Variants in KDM7A observed in about 807,000 individuals in gnomAD.
KDM7A encodes the protein lysine demethylase 7A.
A neutral mutation model predicts 114.8 loss-of-function variants in KDM7A; 28 were observed. The observed-to-expected ratio is 0.24, with a 90% confidence interval of 0.18 to 0.33. The LOEUF (loss-of-function observed/expected upper bound fraction) is 0.33. KDM7A is among the 10% of genes least tolerant of loss of function. The pLI, the probability that KDM7A is intolerant of heterozygous loss-of-function variation, is 1.00. For missense variants in KDM7A, 942 were observed against 1,142.5 expected (o/e 0.82, Z 2.53); for synonymous variants, 423 against 397.8 (o/e 1.06, Z -0.75).
At chr7:140,144,214 G>A (rs1403334496) in intron 1 of KDM7A, among the ~76,000 whole-genome samples, 3 of 152,170 alleles carry the variant, frequency 2.0e-5, no homozygotes, top group Non-Finnish European at 4.4e-5. Flanking sequence ...TACATTTGTG[G>A]CCAATCGATT....
chr7:140,138,387 CTTCTGAAGCACCTGTAAAAGA>C (rs1414187702), intron 2 of KDM7A, among the ~76,000 whole-genome samples: 1 of 152,062 alleles, frequency 6.6e-6, no homozygotes, highest in East Asian at 1.9e-4. Context: ...TCAATGTATT[CTTCTGAAGCACCTGTAAAAGA>C]TTCTGAAGCA....
At chr7:140,134,984 C>T (rs1818843395) in intron 2 of KDM7A, among the ~76,000 whole-genome samples, 1 of 151,222 alleles carries the variant, frequency 6.6e-6, no homozygotes, top group African/African-American at 2.4e-5. Flanking sequence ...AAACAAGATT[C>T]CCAAGTAACT....
chr7:140,155,369 A>G (rs1274250775), intron 1 of KDM7A, among the ~76,000 whole-genome samples: 1 of 152,224 alleles, frequency 6.6e-6, no homozygotes, highest in Non-Finnish European at 1.5e-5. Flanking sequence ...CATAGCTTCT[A>G]TCCTAGGGTA....
intron 1 of KDM7A, among the ~76,000 whole-genome samples, chr7:140,147,766 A>G (rs1794354579): frequency 6.6e-6 from 1 of 152,170 alleles, no homozygotes; most frequent in South Asian, 2.1e-4. Flanking sequence ...CAGCTATAGG[A>G]GAGGCAAGGT....
chr7:140,112,297 A>T (rs144917577), intron 10 of KDM7A, among the ~76,000 whole-genome samples: 164 of 152,286 alleles, frequency 1.1e-3, no homozygotes, highest in African/African-American at 3.8e-3. Context: ...TTTTTATTTC[A>T]AGGGGACATT....
Position 140,097,659 on chromosome 7 carries a change from G to A in KDM7A, c.1919-17C>T. On this transcript the variant is annotated splice_polypyrimidine_tract_variant and intron_variant, in intron 14 of 19. Coordinates refer to ENST00000397560, the MANE Select transcript of KDM7A (RefSeq NM_030647.2). ...TAAAAAACCCTGAAAAAGAATGAAAGGATGAGAAAAAGAGAAAGTCATTTG... is the reference window on the plus strand; with the variant it reads ...TAAAAAACCCTGAAAAAGAATGAAAAGATGAGAAAAAGAGAAAGTCATTTG... 7.1e-7 allele frequency: 1 copy of A among 1,411,944 alleles called. No individual in the cohort carries two copies. The highest frequency in any genetic ancestry group is 1.0e-6 in the Non-Finnish European group (1 of 999,376). The allele number at this position is 1,411,944 out of a possible 1,614,324, so 87.5% of individuals were successfully genotyped here.
At chr7:140,135,287 T>G (rs551574776) in intron 2 of KDM7A, among the ~76,000 whole-genome samples, 59 of 148,842 alleles carry the variant, frequency 4.0e-4, no homozygotes, top group Non-Finnish European at 7.1e-4. Flanking sequence ...CATTGCAACC[T>G]CCGCCTCCCA....
intron 7 of KDM7A, among the ~76,000 whole-genome samples, chr7:140,122,032 C>T (rs1818624675): frequency 6.6e-6 from 1 of 152,208 alleles, no homozygotes; most frequent in Non-Finnish European, 1.5e-5. Context: ...CAGGCCCACT[C>T]CAGATCCACA....
chr7:140,164,868 A>G (rs533507761), intron 1 of KDM7A, among the ~76,000 whole-genome samples: 1 of 152,324 alleles, frequency 6.6e-6, no homozygotes, highest in East Asian at 1.9e-4. Context: ...CTGGAAGCAC[A>G]GGATACTATT....
chr7:140,171,611 AT>A (rs1313048606), intron 1 of KDM7A, among the ~76,000 whole-genome samples: 5 of 137,254 alleles, frequency 3.6e-5, no homozygotes, highest in African/African-American at 1.4e-4. Context: ...ATATATTTAT[AT>A]TTTTACATAT....
intron 17 of KDM7A, 54 bp downstream of exon 17, chr7:140,096,501 T>C (rs1818111725): frequency 1.5e-6 from 2 of 1,331,320 alleles, no homozygotes; most frequent in Admixed American, 1.7e-5. Context: ...TATTGAGCCA[T>C]TAAGTTGGGC....
At position 140,096,679 on chromosome 7, in the gene KDM7A, T is replaced by C. The variant is rs932749463; in HGVS notation, c.2250A>G (p.Leu750=). Residue 750 remains leucine, a synonymous_variant, in exon 17 of 20, where the codon TTA becomes TTG. Coordinates refer to ENST00000397560, the MANE Select transcript of KDM7A (RefSeq NM_030647.2). The part of the protein sequence containing the change: ...SMAGLHYSTC[L]QRQIQSTDCS... ...AGTCTGTGCTTTGTATTTGCCTTTG[T>C]AAACACGTGGAATAGTGCAACCCTG... 1 of 1,614,070 alleles carries C rather than the reference T, an allele frequency of 6.2e-7. No individual in the cohort carries two copies. The highest frequency in any genetic ancestry group is 1.3e-5 in the African/African-American group (1 of 74,934).
intron 1 of KDM7A, among the ~76,000 whole-genome samples, chr7:140,156,038 G>GC (rs1794454304): frequency 6.6e-6 from 1 of 152,188 alleles, no homozygotes; most frequent in African/African-American, 2.4e-5. Flanking sequence ...ACACTTCGTT[G>GC]CAACAGTTTT....
At chr7:140,103,829 A>G (rs1291947191) in intron 11 of KDM7A, among the ~76,000 whole-genome samples, 1 of 152,190 alleles carries the variant, frequency 6.6e-6, no homozygotes, top group Non-Finnish European at 1.5e-5. Flanking sequence ...TATACCCAGT[A>G]ATGGGATGGC....
In KDM7A at chr7:140,127,448, T is replaced by C. The variant is rs778034772; in HGVS notation, c.695A>G (p.Asp232Gly). The change falls in exon 5 of 20, where the codon GAT (aspartate) becomes GGT (glycine). Residue 232 changes from aspartate (D) to glycine (G), a missense_variant. Physicochemically the swap from Asp to Gly is moderately conservative, Grantham distance 94. This residue lies in a region of KDM7A where 318 missense variants were observed against 453.1 expected (regional missense o/e 0.70). Coordinates refer to ENST00000397560, the MANE Select transcript of KDM7A (RefSeq NM_030647.2). Reference sequence around the variant, plus strand: ...AATACCCAGAACTACTCACTTTGTATCTGAAAATTCAAGGCTGATCACATT... The same window carrying C: ...AATACCCAGAACTACTCACTTTGTACCTGAAAATTCAAGGCTGATCACATT... ...VLNVISLEFS[D>G]TKMSELVEVP... 6.2e-7 allele frequency: 1 copy of C among 1,612,746 alleles called. No individual in the cohort carries two copies. The highest frequency in any genetic ancestry group is 2.2e-5 in the East Asian group (1 of 44,862).
At position 140,084,964 on chromosome 7, in the gene KDM7A, A is replaced by G. The variant is rs1167513135; in HGVS notation, c.*6130T>C. On this transcript the variant is annotated 3_prime_UTR_variant, in exon 20 of 20. Transcript: ENST00000397560. ...CACTTGTCCTCCCCTATAATAATCAATGTAAGCTACTTAAAGACTTACAAA... is the reference window on the plus strand; with the variant it reads ...CACTTGTCCTCCCCTATAATAATCAGTGTAAGCTACTTAAAGACTTACAAA... 6.6e-6 allele frequency: 1 copy of G among 152,232 alleles called. No individual in the cohort carries two copies. The highest frequency in any genetic ancestry group is 1.5e-5 in the Non-Finnish European group (1 of 68,048). 9.4% of individuals were successfully genotyped at this position (152,232 alleles called of 1,614,324 possible).
intron 9 of KDM7A, among the ~76,000 whole-genome samples, chr7:140,114,393 C>T (rs941907900): frequency 1.3e-5 from 2 of 152,178 alleles, no homozygotes; most frequent in African/African-American, 4.8e-5. Flanking sequence ...TGGTCTCCAG[C>T]TCCTAACCGC....
chr7:140,136,919 G>A (rs780822318), intron 2 of KDM7A, among the ~76,000 whole-genome samples: 5 of 152,152 alleles, frequency 3.3e-5, no homozygotes, highest in African/African-American at 9.6e-5. Context: ...CCTGTGAGGC[G>A]GAGGTTGCAG....
chr7:140,154,052 A>G (rs1432552489), intron 1 of KDM7A, among the ~76,000 whole-genome samples: 2 of 152,202 alleles, frequency 1.3e-5, no homozygotes, highest in African/African-American at 4.8e-5. Flanking sequence ...TTATGCATTC[A>G]TAGGTAACAC....
Sources: allele counts gnomAD v4.1 joint callset (sites outside exome capture counted in the v4.1 genomes callset), GRCh38; gene constraint gnomAD v4.1.1; regional missense constraint gnomAD v4.1.1; transcripts MANE v1.5; gene names NCBI Gene and HGNC (gene_info 2026-07-23, HGNC 2026-07-21).